MSTO1: variants seen among roughly 807,000 people sequenced by gnomAD.
MSTO1 encodes misato mitochondrial distribution and morphology regulator 1, also known as protein misato homolog 1.
Under a neutral mutation model 55.7 loss-of-function variants are expected in MSTO1, and 24 were observed. The observed-to-expected ratio is 0.43, with a 90% CI of 0.31 to 0.61. The LOEUF (loss-of-function observed/expected upper bound fraction) is 0.61, where lower values mean the gene tolerates loss of function less well. Ranked by LOEUF, MSTO1 falls within the 20% of genes least tolerant of loss-of-function variation. The pLI, the probability that MSTO1 is intolerant of heterozygous loss-of-function variation, is 0.09. For synonymous variants in MSTO1, 162 were observed against 252.8 expected, an observed-to-expected ratio of 0.64 and a Z score of 3.41; for missense variants, 363 against 625.7, an observed-to-expected ratio of 0.58 and a Z score of 4.48.
At chr1:155,598,179 G>A in the MSTO1 span, among the ~76,000 whole-genome samples, 3 of 147,386 alleles carry the variant, frequency 2.0e-5, no homozygotes, top group Non-Finnish European at 4.5e-5. Context: ...GTGCAATGAC[G>A]CATCTCAGCT....
the MSTO1 span, among the ~76,000 whole-genome samples, chr1:155,591,778 G>A: frequency 2.9e-4 from 43 of 150,000 alleles, no homozygotes; most frequent in African/African-American, 7.4e-4. Flanking sequence ...CAACAAGAGC[G>A]AAACTCCGTC....
chr1:155,587,934 G>A, the MSTO1 span, among the ~76,000 whole-genome samples: 2 of 151,780 alleles, frequency 1.3e-5, no homozygotes, highest in Non-Finnish European at 2.9e-5. Flanking sequence ...AGGTGGGCGC[G>A]GTGGCTCACA....
the MSTO1 span, among the ~76,000 whole-genome samples, chr1:155,594,927 A>G: frequency 6.6e-6 from 1 of 152,168 alleles, no homozygotes; most frequent in Non-Finnish European, 1.5e-5. Context: ...ACTTGACATC[A>G]GGAGTTCGTG....
chr1:155,614,524 A>G lies in MSTO1; in HGVS notation c.*251A>G. On this transcript the variant is annotated 3_prime_UTR_variant, in exon 14 of 14. Transcript: ENST00000245564. ...AGAGGACATCTGTAAAGTCTTCATAAAAGACCTTGAATGATGCCTAGGATG... is the reference window on the plus strand; with the variant it reads ...AGAGGACATCTGTAAAGTCTTCATAGAAGACCTTGAATGATGCCTAGGATG... 3.2e-6 allele frequency: 2 copies of G among 627,988 alleles called. No individual in the cohort carries two copies. The highest frequency in any genetic ancestry group is 5.5e-5 in the East Asian group (2 of 36,436). The allele number at this position is 627,988 out of a possible 1,614,324, so 38.9% of individuals were successfully genotyped here.
chr1:155,592,392 G>C, the MSTO1 span, among the ~76,000 whole-genome samples: 2 of 152,290 alleles, frequency 1.3e-5, no homozygotes, highest in Admixed American at 6.5e-5. Flanking sequence ...ATTCATAGGT[G>C]TTTAGCCAAA....
At chr1:155,580,978 G>A in the MSTO1 span, among the ~76,000 whole-genome samples, 1 of 151,032 alleles carries the variant, frequency 6.6e-6, no homozygotes, top group Non-Finnish European at 1.5e-5. Flanking sequence ...TTTCATCAGA[G>A]TAGCGGCAGA....
chr1:155,563,831 A>G, the MSTO1 span: 3 of 342,440 alleles, frequency 8.8e-6, no homozygotes, highest in Non-Finnish European at 1.7e-5. Context: ...GCATAGGGAA[A>G]GTGCAGAATA....
At chr1:155,575,175 T>C in the MSTO1 span, among the ~76,000 whole-genome samples, 1 of 151,760 alleles carries the variant, frequency 6.6e-6, no homozygotes, top group Non-Finnish European at 1.5e-5. Flanking sequence ...CTAATACTTG[T>C]ACTTTCTATG....
At chr1:155,591,503 T>C in the MSTO1 span, among the ~76,000 whole-genome samples, 2 of 152,166 alleles carry the variant, frequency 1.3e-5, no homozygotes, top group Non-Finnish European at 2.9e-5. Flanking sequence ...GATTTCATTT[T>C]GCTGTAGGCC....
the MSTO1 span, among the ~76,000 whole-genome samples, chr1:155,565,126 GAAA>G: frequency 6.8e-6 from 1 of 146,254 alleles, no homozygotes; most frequent in Non-Finnish European, 1.5e-5. Context: ...GTCTTAAAAA[GAAA>G]AAAAAAATCC....
chr1:155,608,647 C>T (rs1673072992), upstream of MSTO1, among the ~76,000 whole-genome samples: 1 of 151,442 alleles, frequency 6.6e-6, no homozygotes, highest in South Asian at 2.1e-4. Flanking sequence ...CTACAGGTCG[C>T]GCCCGTCACC....
the MSTO1 span, among the ~76,000 whole-genome samples, chr1:155,579,127 G>A: frequency 2.0e-5 from 3 of 151,418 alleles, no homozygotes; most frequent in Admixed American, 2.0e-4. Context: ...GACCAACATG[G>A]AGAAACCCCG....
At chr1:155,570,730 C>A in the MSTO1 span, among the ~76,000 whole-genome samples, 1 of 152,028 alleles carries the variant, frequency 6.6e-6, no homozygotes, top group Non-Finnish European at 1.5e-5. Flanking sequence ...ATAAATTAAA[C>A]TTGATTATAG....
chr1:155,594,352 G>A, the MSTO1 span, among the ~76,000 whole-genome samples: 2 of 152,142 alleles, frequency 1.3e-5, no homozygotes, highest in Non-Finnish European at 2.9e-5. Context: ...AGTGAGCAGA[G>A]ATCATGCCAC....
chr1:155,568,878 G>T, the MSTO1 span, among the ~76,000 whole-genome samples: 1 of 144,428 alleles, frequency 6.9e-6, no homozygotes, highest in Non-Finnish European at 1.5e-5. Context: ...TTGAGAAGGA[G>T]TCTCACTGTG....
At chr1:155,587,058 T>C in the MSTO1 span, among the ~76,000 whole-genome samples, 1 of 152,194 alleles carries the variant, frequency 6.6e-6, no homozygotes, top group Non-Finnish European at 1.5e-5. Flanking sequence ...TTGAATACTG[T>C]CTTTAAGTAG....
At chr1:155,564,869 C>G in the MSTO1 span, among the ~76,000 whole-genome samples, 3 of 152,182 alleles carry the variant, frequency 2.0e-5, no homozygotes, top group Non-Finnish European at 4.4e-5. Context: ...CGCCTGTAAT[C>G]CCAGCACTTT....
chr1:155,586,277 A>T, the MSTO1 span, among the ~76,000 whole-genome samples: 1 of 147,108 alleles, frequency 6.8e-6, no homozygotes, highest in South Asian at 2.1e-4. Flanking sequence ...TCCTGACCTC[A>T]GGTGATCCAC....
At chr1:155,579,350 CAAAA>C in the MSTO1 span, among the ~76,000 whole-genome samples, 1 of 149,386 alleles carries the variant, frequency 6.7e-6, no homozygotes, top group African/African-American at 2.5e-5. Context: ...AACAAACAAA[CAAAA>C]AACCCAAGAG....
Sources: gnomAD v4.1 joint callset for allele counts (sites outside exome capture counted in the v4.1 genomes callset) on GRCh38, gnomAD v4.1.1 for gene constraint, MANE v1.5 for transcripts, NCBI Gene and HGNC (gene_info 2026-07-23, HGNC 2026-07-21) for gene names.